FBXW11: variants seen among roughly 807,000 people sequenced by gnomAD.
The protein encoded by FBXW11 is F-box and WD repeat domain containing 11.
A neutral mutation model predicts 77.6 loss-of-function variants in FBXW11; 19 were observed. That is an observed-to-expected ratio of 0.24 (90% CI 0.17 to 0.36). The LOEUF (loss-of-function observed/expected upper bound fraction) is 0.36, where lower values mean the gene tolerates loss of function less well. Ranked by LOEUF, FBXW11 falls within the 10% of genes least tolerant of loss-of-function variation. The pLI is 1.00. For synonymous variants in FBXW11, 235 were observed against 249.4 expected (o/e 0.94, Z 0.54); for missense variants, 334 against 704.2 (o/e 0.47, Z 5.95).
intron 1 of FBXW11, among the ~76,000 whole-genome samples, chr5:172,002,690 T>C (rs1326319560): frequency 7.1e-6 from 1 of 141,770 alleles, no homozygotes; most frequent in Non-Finnish European, 1.5e-5. Context: ...CTTTCTTTTT[T>C]CTTTTCTTTT....
intron 1 of FBXW11, among the ~76,000 whole-genome samples, chr5:171,990,685 C>A (rs1329527524): frequency 6.6e-6 from 1 of 151,778 alleles, no homozygotes; most frequent in Non-Finnish European, 1.5e-5. Flanking sequence ...TCTTTGGGAA[C>A]TGATATGAAA....
At chr5:171,907,758 G>A (rs190710298) in intron 4 of FBXW11, among the ~76,000 whole-genome samples, 4 of 152,270 alleles carry the variant, frequency 2.6e-5, no homozygotes, top group African/African-American at 9.6e-5. Context: ...AACATTCGCT[G>A]TAATGAAAAC....
intron 2 of FBXW11, among the ~76,000 whole-genome samples, chr5:171,955,680 T>C (rs907150791): frequency 2.6e-5 from 4 of 152,150 alleles, no homozygotes; most frequent in Admixed American, 6.5e-5. Context: ...GCCAATGAGC[T>C]GAGTACTTAG....
At chr5:171,948,234 CA>C (rs765248373) in intron 2 of FBXW11, among the ~76,000 whole-genome samples, 1,944 of 44,336 alleles carry the variant, frequency 0.044, 21 homozygotes, top group African/African-American at 0.14. Context: ...GACTCCAACT[CA>C]AAAAAAAAAA....
intron 1 of FBXW11, among the ~76,000 whole-genome samples, chr5:171,995,721 C>T (rs981109546): frequency 5.7e-4 from 87 of 151,960 alleles, no homozygotes; most frequent in African/African-American, 1.8e-3. Flanking sequence ...CCACTGCACT[C>T]CAGCCTGGGC....
chr5:171,998,579 T>C (rs1766214147), intron 1 of FBXW11, among the ~76,000 whole-genome samples: 1 of 151,470 alleles, frequency 6.6e-6, no homozygotes, highest in Non-Finnish European at 1.5e-5. Context: ...GGCAGATCAC[T>C]TGAGGTCAGG....
chr5:171,908,711 G>A (rs563432067), intron 4 of FBXW11: 3 of 152,286 alleles, frequency 2.0e-5, no homozygotes, highest in South Asian at 2.1e-4. Flanking sequence ...AAACTTACAC[G>A]TTTTGGAAGA....
chr5:171,880,834 T>G (rs557140267), intron 7 of FBXW11, among the ~76,000 whole-genome samples: 3 of 152,230 alleles, frequency 2.0e-5, no homozygotes, highest in East Asian at 3.9e-4. Context: ...GTAGCAGGAC[T>G]ATAGGCGCCC....
intron 3 of FBXW11, among the ~76,000 whole-genome samples, chr5:171,913,836 C>T (rs868642992): frequency 1.6e-3 from 225 of 138,352 alleles, no homozygotes; most frequent in African/African-American, 4.0e-3. Flanking sequence ...CACACACACA[C>T]ACACACACAC....
intron 1 of FBXW11, among the ~76,000 whole-genome samples, chr5:171,976,224 G>T (rs564067445): frequency 2.0e-5 from 3 of 152,020 alleles, no homozygotes; most frequent in African/African-American, 7.2e-5. Context: ...GAGGGGAGAG[G>T]GGATGCTTTT....
At chr5:171,960,307 G>A (rs1204710255) in intron 1 of FBXW11, among the ~76,000 whole-genome samples, 1 of 152,154 alleles carries the variant, frequency 6.6e-6, no homozygotes, top group East Asian at 1.9e-4. Flanking sequence ...CTTGGAAGGT[G>A]GAGGTTGCAG....
Position 171,876,167 on chromosome 5 carries a change from T to A in FBXW11, c.1221+118A>T. 1 of 1,276,852 alleles carries A rather than the reference T, an allele frequency of 7.8e-7. No individual in the cohort carries two copies. The highest frequency in any genetic ancestry group is 1.5e-5 in the African/African-American group (1 of 68,582). 79.1% of individuals were successfully genotyped at this position (1,276,852 alleles called of 1,614,324 possible). A position where few individuals can be genotyped will look rare whatever the true frequency, so the allele number is the denominator to read the frequency against. ...AGAGTGGGATGGCCTCAAGGGTTCATAAGCACAGAGGAGAATAAAGATCTT... is the reference window on the plus strand; with the variant it reads ...AGAGTGGGATGGCCTCAAGGGTTCAAAAGCACAGAGGAGAATAAAGATCTT... On this transcript the variant is annotated intron_variant, in intron 9 of 13. Coordinates refer to ENST00000517395, the MANE Select transcript of FBXW11 (RefSeq NM_001378974.1). The surrounding 1 kb of genome is among the most constrained non-coding windows in gnomAD (Gnocchi z 4.2).
At chr5:171,991,837 C>T (rs1396826086) in intron 1 of FBXW11, among the ~76,000 whole-genome samples, 1 of 151,996 alleles carries the variant, frequency 6.6e-6, no homozygotes, top group African/African-American at 2.4e-5. Context: ...AGGGTGTGGC[C>T]GGGAGGTTGG....
chr5:171,957,761 TCA>T, intron 1 of FBXW11, 63 bp from the exon 2 acceptor site: 1 of 1,364,262 alleles, frequency 7.3e-7, no homozygotes, highest in Non-Finnish European at 1.0e-6. Context: ...AATCACTCCT[TCA>T]CACAGGCAAC....
intron 6 of FBXW11, among the ~76,000 whole-genome samples, chr5:171,898,311 GAA>G (rs1246631463): frequency 4.6e-5 from 7 of 152,172 alleles, no homozygotes; most frequent in African/African-American, 1.7e-4. Context: ...TGCCAAGGAG[GAA>G]ACAGTGAAGT....
At chr5:171,913,818 TACACACACACACACACACACAC>T (rs1161644281) in intron 3 of FBXW11, among the ~76,000 whole-genome samples, 16 of 65,382 alleles carry the variant, frequency 2.4e-4, no homozygotes, top group East Asian at 8.4e-4. Flanking sequence ...CACACACACA[TACACACACACACACACACACAC>T]ACACACACAC....
At chr5:171,867,935 C>CAT (rs1561628304) in intron 13 of FBXW11, 1 of 152,220 alleles carries the variant, frequency 6.6e-6, no homozygotes, top group Non-Finnish European at 1.5e-5. Flanking sequence ...GTTCCTAAGT[C>CAT]ATCAGTTCCT....
At chr5:171,910,061 CTTTT>C (rs3087180) in intron 4 of FBXW11, among the ~76,000 whole-genome samples, 19 of 92,514 alleles carry the variant, frequency 2.1e-4, no homozygotes, top group Non-Finnish European at 1.8e-4. Flanking sequence ...ATAATGAACA[CTTTT>C]TTTTTTTTTT....
In FBXW11 at chr5:172,001,629, C is replaced by A. The variant is rs531404801; in HGVS notation, c.45+4829G>T. On this transcript the variant is annotated intron_variant, in intron 1 of 13. Transcript: ENST00000517395. ...TATGTTAAGTGCTACAGGATAAATA[C>A]AAAGTGCCAGAATTCATTCATTTCA... Among the ~76,000 whole-genome samples the A allele has an allele frequency of 2.0e-3, 304 of 152,294 alleles. 1 individual carries two copies. Among genetic ancestry groups the A allele is most frequent in the African/African-American group, 7.1e-3 (294 of 41,574 alleles).
Sources: gnomAD v4.1 joint callset for allele counts (sites outside exome capture counted in the v4.1 genomes callset) on GRCh38, gnomAD v4.1.1 for gene constraint, Gnocchi (gnomAD v3.1) non-coding constraint, MANE v1.5 for transcripts, NCBI Gene and HGNC (gene_info 2026-07-23, HGNC 2026-07-21) for gene names.